ITPR3: variants seen among roughly 807,000 people sequenced by gnomAD.
ITPR3 encodes the protein inositol 1,4,5-trisphosphate receptor type 3, also known as inositol 1,4,5-trisphosphate-gated calcium channel ITPR3.
A neutral mutation model predicts 293.2 loss-of-function variants in ITPR3; 173 were observed. The observed-to-expected ratio is 0.59, with a 90% CI of 0.52 to 0.67. The LOEUF (loss-of-function observed/expected upper bound fraction) is 0.67, where lower values mean the gene tolerates loss of function less well. Ranked by LOEUF, ITPR3 falls within the 30% of genes least tolerant of loss-of-function variation. The probability of loss-of-function intolerance (pLI) is 0.00; values close to 1 mark genes in which losing one functional copy is unlikely to be tolerated. For synonymous variants in ITPR3, 1,295 were observed against 1,444.4 expected (o/e 0.90, Z 2.35); for missense variants, 2,796 against 3,592.1 (o/e 0.78, Z 5.66).
intron 1 of ITPR3, among the ~76,000 whole-genome samples, chr6:33,622,756 G>A (rs1339814636): frequency 2.6e-5 from 4 of 152,046 alleles, no homozygotes; most frequent in African/African-American, 4.8e-5. Flanking sequence ...GACAGGGCCC[G>A]GCTCACCCCA....
chr6:33,664,806 G>A lies in ITPR3; in HGVS notation c.1149-64G>A, dbSNP rs531713784. 1.6e-4 allele frequency: 234 copies of A among 1,428,204 alleles called. 3 individuals are homozygous for A. In the South Asian group the frequency reaches 2.0e-3, roughly 12 times the overall value. The allele number at this position is 1,428,204 out of a possible 1,614,324, so 88.5% of individuals were successfully genotyped here. Reference sequence around the variant, plus strand: ...TGTGGCAGTGTTGGGGAGGTAGGCCGGCAGGCAGCATGACGTGCTCTGTGG... The same window carrying A: ...TGTGGCAGTGTTGGGGAGGTAGGCCAGCAGGCAGCATGACGTGCTCTGTGG... On this transcript the variant is annotated intron_variant, in intron 11 of 57. Transcript: ENST00000605930. This position sits in a 1 kb window ranked among gnomAD's most constrained non-coding sequence, Gnocchi z 4.4.
chr6:33,667,495 G>A lies in ITPR3; in HGVS notation c.1713+205G>A, dbSNP rs1260496544. 6.6e-6 allele frequency among the ~76,000 whole-genome samples: 1 copy of A among 152,198 alleles called. No individual in the cohort carries two copies. Among genetic ancestry groups the A allele is most frequent in the Admixed American group, 6.5e-5 (1 of 15,288 alleles). On this transcript the variant is annotated intron_variant, in intron 15 of 57. Transcript: ENST00000605930. The surrounding 1 kb of genome is among the most constrained non-coding windows in gnomAD (Gnocchi z 4.4). Reference sequence around the variant, plus strand: ...ACTGGGTTAGATGCTCTGCTGCTGAGCAAGGGTCCTGCTCTTTCATTCTGC... The same window carrying A: ...ACTGGGTTAGATGCTCTGCTGCTGAACAAGGGTCCTGCTCTTTCATTCTGC...
Position 33,682,569 on chromosome 6 carries a change from C to T in ITPR3, c.4522C>T (p.Leu1508Phe). 1.9e-6 allele frequency: 3 copies of T among 1,590,086 alleles called. No homozygotes were observed. Among genetic ancestry groups the T allele is most frequent in the Non-Finnish European group, 2.6e-6 (3 of 1,167,992 alleles). Residue 1508 changes from leucine (L) to phenylalanine (F), a missense_variant, in exon 34 of 58, where the codon CTC becomes TTC. Physicochemically the swap from Leu to Phe is conservative, Grantham distance 22 (BLOSUM62 0). This residue lies in a region of ITPR3 where 704 missense variants were observed against 797.5 expected (regional missense o/e 0.88). Transcript: ENST00000605930. The surrounding 1 kb of genome is among the most constrained non-coding windows in gnomAD (Gnocchi z 5.4). ...VVQLLQSTTR[L>F]LECPWLQQQH... ...GCAGCTGCTGCAGTCTACCACACGC[C>T]TCCTCGAGTGTCCGTGGCTACAGCA...
In ITPR3 at chr6:33,632,298, T is replaced by C. The variant is rs1393137796; in HGVS notation, c.90-8186T>C. The stretch of plus-strand genomic sequence containing the variant: ...CCCAGTCTGTCATTCCCCCAGTCTG[T>C]CATTCCCCCTCCCATGGTGCTCTGA... On this transcript the variant is annotated intron_variant, in intron 1 of 57. Coordinates refer to ENST00000605930, the MANE Select transcript of ITPR3 (RefSeq NM_002224.4). This position sits in a 1 kb window ranked among gnomAD's most constrained non-coding sequence, Gnocchi z 4.1. 6.6e-6 allele frequency among the ~76,000 whole-genome samples: 1 copy of C among 152,138 alleles called. No homozygotes were observed. Among genetic ancestry groups the C allele is most frequent in the Non-Finnish European group, 1.5e-5 (1 of 68,018 alleles).
At position 33,693,787 on chromosome 6, in the gene ITPR3, T is replaced by C. The variant is rs1765460845; in HGVS notation, c.7785+82T>C. 6.0e-6 allele frequency: 9 copies of C among 1,509,250 alleles called. No homozygotes were observed. The South Asian group carries it at 1.1e-4, about 18-fold the overall frequency. 93.5% of individuals were successfully genotyped at this position (1,509,250 alleles called of 1,614,324 possible). On this transcript the variant is annotated intron_variant, in intron 56 of 57. Coordinates refer to ENST00000605930, the MANE Select transcript of ITPR3 (RefSeq NM_002224.4). ...CACTGTGCACCAGAGGCCTCATGGT[T>C]TTAGCTTCTGAGTACCCTGGGCCCT...
At chr6:33,625,832 C>T (rs1219639782) in intron 1 of ITPR3, among the ~76,000 whole-genome samples, 2 of 152,194 alleles carry the variant, frequency 1.3e-5, no homozygotes, top group African/African-American at 2.4e-5. Flanking sequence ...TGAATATAGA[C>T]GAAGCCCCAG....
In ITPR3 at chr6:33,672,911, G is replaced by C. The variant is rs557324750; in HGVS notation, c.2929-680G>C. Among the ~76,000 whole-genome samples the C allele has an allele frequency of 8.5e-5, 13 of 152,304 alleles. No homozygotes were observed. In the South Asian group the frequency reaches 2.7e-3, roughly 32 times the overall value. ...ACACCCCAGGAAGGGGCTCATCCCC[G>C]AGGAGGGATGAGGATGCTTGCTTTT... On this transcript the variant is annotated intron_variant, in intron 22 of 57. Transcript: ENST00000605930. The surrounding 1 kb of genome is among the most constrained non-coding windows in gnomAD (Gnocchi z 5.0).
In ITPR3 at chr6:33,683,996, A is replaced by T. The variant is rs748990388; in HGVS notation, c.4789-24A>T. The T allele has an allele frequency of 4.5e-6, 7 of 1,569,642 alleles. No individual in the cohort carries two copies. Among genetic ancestry groups the T allele is most frequent in the Non-Finnish European group, 5.2e-6 (6 of 1,155,740 alleles). On this transcript the variant is annotated intron_variant, in intron 35 of 57. Transcript: ENST00000605930. The surrounding 1 kb of genome is among the most constrained non-coding windows in gnomAD (Gnocchi z 4.5). ...CCCGGGTCATTTCTTGGGCCTGGCA[A>T]TGACTCTGCCCTGCCCACCCCAGGA... is the stretch of plus-strand genomic sequence containing the variant.
rs1350861776 is a variant in ITPR3 at position 33,675,909 on chromosome 6, G to A, written c.3282+53G>A. Reference sequence around the variant, plus strand: ...GAGCATGAGGCCTGCACCAGGCACGGGGGGACAGTAAACGATGATTGAGGA... The same window carrying A: ...GAGCATGAGGCCTGCACCAGGCACGAGGGGACAGTAAACGATGATTGAGGA... On this transcript the variant is annotated intron_variant, in intron 25 of 57. Transcript: ENST00000605930. This position sits in a 1 kb window ranked among gnomAD's most constrained non-coding sequence, Gnocchi z 5.0. 3.4e-6 allele frequency: 5 copies of A among 1,482,584 alleles called. No homozygotes were observed. The highest frequency in any genetic ancestry group is 2.7e-6 in the Non-Finnish European group (3 of 1,111,560). 91.8% of individuals were successfully genotyped at this position (1,482,584 alleles called of 1,614,324 possible).
rs953913633 is a variant in ITPR3 at position 33,695,850 on chromosome 6, C to T, written c.*70C>T. 7 of 1,514,896 alleles carry T rather than the reference C, an allele frequency of 4.6e-6. No individual in the cohort carries two copies. In the African/African-American group the frequency reaches 8.2e-5, roughly 18 times the overall value. 93.8% of individuals were successfully genotyped at this position (1,514,896 alleles called of 1,614,324 possible). A position where few individuals can be genotyped will look rare whatever the true frequency, so the allele number is the denominator to read the frequency against. ...ACTGCGACTGGGAAGAACACTGCCCCCTCCCTCGGGTTGGGTGGCCCAGCC... is the reference window on the plus strand; with the variant it reads ...ACTGCGACTGGGAAGAACACTGCCCTCTCCCTCGGGTTGGGTGGCCCAGCC... On this transcript the variant is annotated 3_prime_UTR_variant, in exon 58 of 58. Coordinates refer to ENST00000605930, the MANE Select transcript of ITPR3 (RefSeq NM_002224.4).
chr6:33,635,034 C>A (rs879120723), intron 1 of ITPR3, among the ~76,000 whole-genome samples: 1 of 152,322 alleles, frequency 6.6e-6, no homozygotes, highest in Admixed American at 6.5e-5. Flanking sequence ...GCGGCTCCAT[C>A]ACCCCAGTCA....
intron 7 of ITPR3, among the ~76,000 whole-genome samples, chr6:33,659,752 C>G (rs1013734076): frequency 1.2e-4 from 18 of 152,210 alleles, no homozygotes; most frequent in African/African-American, 4.1e-4. Flanking sequence ...GGCCACAGCT[C>G]CCTTCTCCAT....
chr6:33,660,445 C>T (rs1764434000), intron 7 of ITPR3, among the ~76,000 whole-genome samples: 1 of 152,170 alleles, frequency 6.6e-6, no homozygotes, highest in Admixed American at 6.5e-5. Flanking sequence ...CCTCAGTCCC[C>T]CACCCTCCTC....
Position 33,662,923 on chromosome 6 carries a change from G to T in ITPR3, c.871G>T (p.Asp291Tyr). Reference protein sequence around the residue: ...ALWEVEVVHHDPCRGGAGHWN... With the variant: ...ALWEVEVVHHYPCRGGAGHWN... ...TGTGTGCCCCTAGGTGGTCCACCAC[G>T]ACCCCTGCCGTGGAGGAGCTGGGCA... Residue 291 changes from aspartate to tyrosine, a missense_variant, in exon 9 of 58, where the codon GAC (aspartate) becomes TAC (tyrosine). This residue lies in a region of ITPR3 where 955 missense variants were observed against 1,180.8 expected (regional missense o/e 0.81). Coordinates refer to ENST00000605930, the MANE Select transcript of ITPR3 (RefSeq NM_002224.4). 6.3e-7 allele frequency: 1 copy of T among 1,597,548 alleles called. No individual in the cohort carries two copies. Among genetic ancestry groups the T allele is most frequent in the South Asian group, 1.1e-5 (1 of 88,334 alleles).
At chr6:33,656,034 C>A in intron 3 of ITPR3, 147 bp downstream of exon 3, 1 of 1,071,560 alleles carries the variant, frequency 9.3e-7, no homozygotes, top group African/African-American at 1.6e-5. Flanking sequence ...CAGTTCACAC[C>A]TGTAATTCCA....
intron 2 of ITPR3, among the ~76,000 whole-genome samples, chr6:33,643,413 C>T (rs951278766): frequency 6.6e-6 from 1 of 152,224 alleles, no homozygotes; most frequent in Non-Finnish European, 1.5e-5. Flanking sequence ...CCTTCGAAGC[C>T]ACCCTAAGCC....
rs1764209655 is a variant in ITPR3 at position 33,652,275 on chromosome 6, AG to A, written c.161-3489del. On this transcript the variant is annotated intron_variant, in intron 2 of 57. Transcript: ENST00000605930. ...TAAATCAAACCCTACCTCCTTATAC[AG>A]GAGGAAGTAATTTCTGGGTTGATGT... Among the ~76,000 whole-genome samples the A allele has an allele frequency of 5.3e-5, 8 of 152,154 alleles. No individual in the cohort carries two copies. In the South Asian group the frequency reaches 1.2e-3, roughly 24 times the overall value.
intron 17 of ITPR3, 148 bp downstream of exon 17, chr6:33,668,782 T>A: frequency 7.3e-7 from 1 of 1,363,980 alleles, no homozygotes; most frequent in Non-Finnish European, 1.0e-6. Flanking sequence ...TGCCCCGCTG[T>A]GTGCCTGGCA....
At chr6:33,677,112 G>C in intron 27 of ITPR3, 23 bp downstream of exon 27, 1 of 1,608,756 alleles carries the variant, frequency 6.2e-7, no homozygotes, top group Non-Finnish European at 8.5e-7. Context: ...GGGTCCTCGG[G>C]GTAGGGATCT....
Sources: allele counts gnomAD v4.1 joint callset (sites outside exome capture counted in the v4.1 genomes callset), GRCh38; gene constraint gnomAD v4.1.1; regional missense constraint gnomAD v4.1.1; non-coding constraint Gnocchi (gnomAD v3.1); transcripts MANE v1.5; gene names NCBI Gene and HGNC (gene_info 2026-07-23, HGNC 2026-07-21).